The following DNAJC17 variants were observed in gnomAD, a reference collection of about 807,000 sequenced individuals.
DNAJC17 encodes the protein DnaJ heat shock protein family (Hsp40) member C17.
A neutral mutation model predicts 48.1 loss-of-function variants in DNAJC17; 35 were observed. The ratio of observed to expected loss-of-function variants is 0.73; its 90% CI spans 0.56 to 0.96. The LOEUF (loss-of-function observed/expected upper bound fraction) is 0.96. Ranked by LOEUF, DNAJC17 falls within the 50% of genes least tolerant of loss-of-function variation. DNAJC17 has a pLI of 0.00. For synonymous variants in DNAJC17, 117 were observed against 142.7 expected (o/e 0.82, Z 1.28); for missense variants, 355 against 377.1 (o/e 0.94, Z 0.48).
intron 1 of DNAJC17, chr15:40,807,048 G>A: frequency 1.7e-6 from 1 of 585,354 alleles, no homozygotes; most frequent in East Asian, 2.9e-5. Flanking sequence ...GGCAGAAGCG[G>A]AAACGGAGGC....
intron 4 of DNAJC17, among the ~76,000 whole-genome samples, chr15:40,777,143 G>A (rs140282875): frequency 3.6e-4 from 55 of 152,256 alleles, no homozygotes; most frequent in African/African-American, 1.3e-3. Context: ...CCCGGGTCCT[G>A]GATTGTGTGA....
intron 1 of DNAJC17, among the ~76,000 whole-genome samples, chr15:40,792,268 T>C (rs894048383): frequency 6.6e-6 from 1 of 152,216 alleles, no homozygotes; most frequent in Non-Finnish European, 1.5e-5. Flanking sequence ...ACCAAGATAA[T>C]AGCTAGCTTA....
chr15:40,767,117 A>G lies in DNAJC17; in HGVS notation c.*823T>C. ...CCCCAGCGCCCAGCAAGCAGCCAGCAAGTGTGAGTCACTACAAGAGTGGCC... is the reference window on the plus strand; with the variant it reads ...CCCCAGCGCCCAGCAAGCAGCCAGCGAGTGTGAGTCACTACAAGAGTGGCC... On this transcript the variant is annotated 3_prime_UTR_variant, in exon 11 of 11. Coordinates refer to ENST00000220496, the MANE Select transcript of DNAJC17 (RefSeq NM_018163.3). 1 of 1,175,812 alleles carries G rather than the reference A, an allele frequency of 8.5e-7. No homozygotes were observed. Among genetic ancestry groups the G allele is most frequent in the Non-Finnish European group, 1.1e-6 (1 of 878,204 alleles). The allele number at this position is 1,175,812 out of a possible 1,614,324, so 72.8% of individuals were successfully genotyped here.
rs757047805 is a variant in DNAJC17 at position 40,767,303 on chromosome 15, T to C, written c.*637A>G. ...CGCAGGGGCTTCCGTGTGCTGAGCATGACGGGGGTGGGCCAGACGCTGGTG... is the reference window on the plus strand; with the variant it reads ...CGCAGGGGCTTCCGTGTGCTGAGCACGACGGGGGTGGGCCAGACGCTGGTG... On this transcript the variant is annotated 3_prime_UTR_variant, in exon 11 of 11. Coordinates refer to ENST00000220496, the MANE Select transcript of DNAJC17 (RefSeq NM_018163.3). 2.7e-5 allele frequency: 43 copies of C among 1,604,594 alleles called. No homozygotes were observed. The highest frequency in any genetic ancestry group is 3.5e-5 in the Non-Finnish European group (41 of 1,175,906).
intron 4 of DNAJC17, chr15:40,776,896 G>A (rs1383073300): frequency 4.8e-6 from 2 of 417,992 alleles, no homozygotes; most frequent in Non-Finnish European, 8.9e-6. Context: ...TAGTGAACAG[G>A]GTGTGGGTGG....
intron 1 of DNAJC17, chr15:40,780,280 C>T (rs577241257): frequency 1.5e-5 from 9 of 588,068 alleles, no homozygotes; most frequent in East Asian, 3.8e-5. Flanking sequence ...CACAGTACCC[C>T]GCTTTCTCGA....
Position 40,768,016 on chromosome 15 carries a change from C to T in DNAJC17, c.839G>A (p.Arg280His). ...TTGCCGCTCGGCCGCCTGGCGCATG[C>T]GCATCATGACGAGGCTCTCGTAGTC... ...ERDYESLVMM[R>H]MRQAAERQQL... is the part of the protein sequence containing the mutation. Residue 280 changes from arginine (R) to histidine (H), a missense_variant, in exon 11 of 11, where the codon CGC (arginine) becomes CAC (histidine). Transcript: ENST00000220496. The T allele has an allele frequency of 6.3e-7, 1 of 1,599,838 alleles. No individual in the cohort carries two copies. Among genetic ancestry groups the T allele is most frequent in the East Asian group, 2.2e-5 (1 of 44,758 alleles).
At chr15:40,795,463 T>G (rs1889921867) in intron 1 of DNAJC17, among the ~76,000 whole-genome samples, 1 of 152,098 alleles carries the variant, frequency 6.6e-6, no homozygotes, top group South Asian at 2.1e-4. Context: ...AGCACCAGGC[T>G]CAGAGTTTGA....
rs1040289215 is a variant in DNAJC17, at chr15:40,776,692, C to T, written c.296-65G>A. 5 of 1,548,158 alleles carry T rather than the reference C, an allele frequency of 3.2e-6. No homozygotes were observed. In the East Asian group the frequency reaches 1.1e-4, roughly 35 times the overall value. ...CAGTTTCCATGTGGCCTCGGCCCAC[C>T]CCAGCTCTGGCTGCCTCCCCAAAGT... On this transcript the variant is annotated intron_variant, in intron 4 of 10. Transcript: ENST00000220496.
rs763125364 is a variant in DNAJC17, at chr15:40,798,390, T to C, written c.78+8979A>G. 2.3e-4 allele frequency among the ~76,000 whole-genome samples: 35 copies of C among 152,092 alleles called. 1 individual carries two copies. Among genetic ancestry groups the C allele is most frequent in the Non-Finnish European group, 5.0e-4 (34 of 68,016 alleles). Reference sequence around the variant, plus strand: ...TCTTTGTTAAGTACAGAGTTTCAGATTGAAATGATGGAAAAGTTGTAGAGA... The same window carrying C: ...TCTTTGTTAAGTACAGAGTTTCAGACTGAAATGATGGAAAAGTTGTAGAGA... On this transcript the variant is annotated intron_variant, in intron 1 of 10. Transcript: ENST00000220496.
intron 1 of DNAJC17, among the ~76,000 whole-genome samples, chr15:40,802,497 G>A (rs1224902657): frequency 1.3e-5 from 2 of 152,076 alleles, no homozygotes; most frequent in South Asian, 2.1e-4. Flanking sequence ...GATTTAGACC[G>A]CTGTGAAACA....
intron 1 of DNAJC17, among the ~76,000 whole-genome samples, chr15:40,793,234 C>T (rs1158197100): frequency 2.0e-5 from 3 of 152,128 alleles, no homozygotes; most frequent in African/African-American, 7.2e-5. Context: ...TCTTTTCTCC[C>T]TTCAAGATCT....
At chr15:40,771,303 C>A (rs567704691) in intron 10 of DNAJC17, 3 of 453,268 alleles carry the variant, frequency 6.6e-6, no homozygotes, top group South Asian at 2.8e-5. Context: ...CTGGCTATGC[C>A]GGGAAAGGGA....
At chr15:40,775,460 C>T (rs1213805426) in intron 7 of DNAJC17, 93 bp downstream of exon 7, 2 of 1,428,416 alleles carry the variant, frequency 1.4e-6, no homozygotes, top group African/African-American at 2.8e-5. Context: ...CCAGCAGCCC[C>T]ACCAGAAACC....
At chr15:40,773,928 TC>T in intron 9 of DNAJC17, 91 bp from the exon 10 acceptor site, 1 of 1,159,588 alleles carries the variant, frequency 8.6e-7, no homozygotes. Flanking sequence ...GAACCAGCGT[TC>T]TAGCCCTCTA....
Position 40,770,482 on chromosome 15 carries a change from C to T in DNAJC17, c.793-2420G>A, listed in dbSNP as rs1889097498. The T allele has an allele frequency of 6.5e-7, 1 of 1,540,270 alleles. No homozygotes were observed. Among genetic ancestry groups the T allele is most frequent in the East Asian group, 2.4e-5 (1 of 40,854 alleles). ...CTGCTCCTGAACACCTGTCTGCTGG[C>T]TCCCCTGGGCCCCATGGAGACCTGG... On this transcript the variant is annotated intron_variant, in intron 10 of 10. Coordinates refer to ENST00000220496, the MANE Select transcript of DNAJC17 (RefSeq NM_018163.3). The surrounding 1 kb of genome is among the most constrained non-coding windows in gnomAD (Gnocchi z 5.0).
intron 10 of DNAJC17, chr15:40,771,617 A>T (rs1171191330): frequency 5.9e-6 from 1 of 170,458 alleles, no homozygotes; most frequent in Non-Finnish European, 1.4e-5. Context: ...GAATTGAAAT[A>T]AATAAAATTA....
chr15:40,774,245 T>G, intron 9 of DNAJC17, 111 bp downstream of exon 9: 1 of 1,257,552 alleles, frequency 8.0e-7, no homozygotes, highest in Non-Finnish European at 1.1e-6. Flanking sequence ...TAAGCTGGCC[T>G]GGAGATTCCC....
intron 1 of DNAJC17, among the ~76,000 whole-genome samples, chr15:40,800,982 C>T (rs1162963419): frequency 6.6e-6 from 1 of 151,728 alleles, no homozygotes; most frequent in East Asian, 1.9e-4. Context: ...AGGTCATGGG[C>T]CATTTGGCCC....
Sources: gnomAD v4.1 joint callset for allele counts (sites outside exome capture counted in the v4.1 genomes callset) on GRCh38, gnomAD v4.1.1 for gene constraint, Gnocchi (gnomAD v3.1) non-coding constraint, MANE v1.5 for transcripts, NCBI Gene and HGNC (gene_info 2026-07-23, HGNC 2026-07-21) for gene names.